The following CLSTN2 variants were observed in gnomAD, a reference collection of about 807,000 sequenced individuals.
CLSTN2 encodes the protein calsyntenin 2, also known as calsyntenin-2.
In CLSTN2, 48 loss-of-function variants were observed where a neutral mutation model predicts 101.2. That is an observed-to-expected ratio of 0.47 (90% CI 0.38 to 0.60). CLSTN2 has a LOEUF of 0.60. Among genes scored for constraint, CLSTN2 ranks in the 20% least tolerant of loss-of-function variants. The pLI, the probability that CLSTN2 is intolerant of heterozygous loss-of-function variation, is 0.00. For missense variants in CLSTN2, 1,160 were observed against 1,238.2 expected (o/e 0.94, Z 0.95); for synonymous variants, 481 against 463.6 (o/e 1.04, Z -0.48).
rs1402235729 is a variant in CLSTN2, at chr3:140,241,874, T to TACACACAC, written c.232+65802_232+65803insCACACACA. On this transcript the variant is annotated intron_variant, in intron 2 of 16. Transcript: ENST00000458420. ...ATATATACACATATATATACACATA[T>TACACACAC]ATATATACACACACACACACACACA... 6.2e-3 allele frequency among the ~76,000 whole-genome samples: 374 copies of TACACACAC among 59,998 alleles called. 2 individuals carry two copies. Among genetic ancestry groups the TACACACAC allele is most frequent in the African/African-American group, 0.018 (346 of 19,064 alleles). 39.4% of individuals were successfully genotyped at this position (59,998 alleles called of 152,430 possible). A position where few individuals can be genotyped will look rare whatever the true frequency, so the allele number is the denominator to read the frequency against.
At chr3:140,464,586 T>G (rs186051960) in intron 7 of CLSTN2, among the ~76,000 whole-genome samples, 1 of 152,320 alleles carries the variant, frequency 6.6e-6, no homozygotes, top group Admixed American at 6.5e-5. Flanking sequence ...AGGAAGAAAC[T>G]TCCCAGGCTA....
intron 1 of CLSTN2, among the ~76,000 whole-genome samples, chr3:139,945,805 T>G (rs1935205365): frequency 6.6e-6 from 1 of 152,262 alleles, no homozygotes; most frequent in Admixed American, 6.5e-5. Flanking sequence ...TTTGATTTAT[T>G]ATTTTAATAT....
chr3:140,478,523 T>C (rs1375739070), intron 8 of CLSTN2, among the ~76,000 whole-genome samples: 1 of 152,178 alleles, frequency 6.6e-6, no homozygotes, highest in East Asian at 1.9e-4. Context: ...ACATTAAATT[T>C]CCATAAAAGG....
intron 2 of CLSTN2, among the ~76,000 whole-genome samples, chr3:140,311,894 G>T (rs1270265686): frequency 6.6e-6 from 1 of 152,148 alleles, no homozygotes; most frequent in African/African-American, 2.4e-5. Context: ...GGAATGAGAA[G>T]GCTTATCTTG....
intron 2 of CLSTN2, among the ~76,000 whole-genome samples, chr3:140,391,891 A>G (rs1458046570): frequency 6.6e-6 from 1 of 152,110 alleles, no homozygotes; most frequent in Admixed American, 6.5e-5. Context: ...AGCAATTATT[A>G]AGAGGCGATG....
intron 2 of CLSTN2, among the ~76,000 whole-genome samples, chr3:140,294,360 C>G (rs2086982923): frequency 6.6e-6 from 1 of 152,156 alleles, no homozygotes; most frequent in Admixed American, 6.5e-5. Context: ...AGGTTTATTT[C>G]TTACTCATGC....
chr3:140,427,209 ATATATATATATATATGTGTG>A lies in CLSTN2; in HGVS notation c.787+5951_787+5970del, dbSNP rs1559866729. 8.7e-5 allele frequency among the ~76,000 whole-genome samples: 8 copies of A among 92,330 alleles called. 1 individual carries two copies. Among genetic ancestry groups the A allele is most frequent in the African/African-American group, 5.4e-4 (8 of 14,896 alleles). 60.6% of individuals were successfully genotyped at this position (92,330 alleles called of 152,430 possible). A position where few individuals can be genotyped will look rare whatever the true frequency, so the allele number is the denominator to read the frequency against. On this transcript the variant is annotated intron_variant, in intron 5 of 16. Transcript: ENST00000458420. ...AATATATATATATATATATATGTGT[ATATATATATATATATGTGTG>A]TATATATATATATATACATATATAT...
At chr3:140,392,477 C>T (rs978913231) in intron 2 of CLSTN2, among the ~76,000 whole-genome samples, 5 of 152,044 alleles carry the variant, frequency 3.3e-5, no homozygotes, top group African/African-American at 1.2e-4. Flanking sequence ...AATTGATTCA[C>T]ATAACCAAAC....
In CLSTN2 at chr3:140,517,367, G is replaced by C. The variant is rs917700338; in HGVS notation, c.1345-14957G>C. On this transcript the variant is annotated intron_variant, in intron 8 of 16. Transcript: ENST00000458420. ...GGGTCCATTGGTGGTGAGCTGGTGT[G>C]ATACTTTGGGGGTGTTAAAGAACCT... 2.0e-5 allele frequency among the ~76,000 whole-genome samples: 3 copies of C among 152,102 alleles called. No individual in the cohort carries two copies. In the South Asian group the frequency reaches 6.2e-4, roughly 32 times the overall value.
chr3:139,984,082 G>A (rs1935982615), intron 1 of CLSTN2, among the ~76,000 whole-genome samples: 1 of 152,126 alleles, frequency 6.6e-6, no homozygotes, highest in African/African-American at 2.4e-5. Flanking sequence ...CTAAGCAATG[G>A]GTTATTTGCA....
chr3:140,071,282 A>G (rs2008387678), intron 1 of CLSTN2, among the ~76,000 whole-genome samples: 3 of 152,196 alleles, frequency 2.0e-5, no homozygotes, highest in Non-Finnish European at 4.4e-5. Context: ...GAAATTCTAG[A>G]TGGGTACAAT....
chr3:139,943,364 C>G (rs948483663), intron 1 of CLSTN2, among the ~76,000 whole-genome samples: 1 of 152,170 alleles, frequency 6.6e-6, no homozygotes, highest in East Asian at 1.9e-4. Flanking sequence ...TCCCATTATG[C>G]TGCTGTCAAG....
intron 1 of CLSTN2, among the ~76,000 whole-genome samples, chr3:140,116,867 C>T (rs984698783): frequency 1.3e-5 from 2 of 152,162 alleles, no homozygotes; most frequent in South Asian, 2.1e-4. Context: ...AGTTAATTAT[C>T]CCACTAGCAA....
At chr3:140,256,732 T>C (rs2086607280) in intron 2 of CLSTN2, among the ~76,000 whole-genome samples, 1 of 152,252 alleles carries the variant, frequency 6.6e-6, no homozygotes, top group African/African-American at 2.4e-5. Flanking sequence ...AATTTCTGAT[T>C]GAGACTTCTA....
At chr3:140,052,235 T>G (rs919618471) in intron 1 of CLSTN2, among the ~76,000 whole-genome samples, 1 of 152,184 alleles carries the variant, frequency 6.6e-6, no homozygotes, top group African/African-American at 2.4e-5. Context: ...CTCAGCTCAC[T>G]GCAACCTCCA....
At chr3:140,196,364 A>C (rs2010643453) in intron 2 of CLSTN2, among the ~76,000 whole-genome samples, 3 of 152,336 alleles carry the variant, frequency 2.0e-5, no homozygotes, top group African/African-American at 7.2e-5. Context: ...GGATTTGTTC[A>C]TGAGTTATCA....
intron 1 of CLSTN2, among the ~76,000 whole-genome samples, chr3:139,938,212 T>C (rs1935064102): frequency 6.6e-6 from 1 of 151,176 alleles, no homozygotes; most frequent in Admixed American, 6.6e-5. Context: ...TTTCGTACAA[T>C]TCTGTATTCA....
chr3:140,351,628 C>G (rs1338240494), intron 2 of CLSTN2, among the ~76,000 whole-genome samples: 1 of 152,164 alleles, frequency 6.6e-6, no homozygotes, highest in Admixed American at 6.5e-5. Context: ...CATTGTAGCA[C>G]AAAGCAGCAT....
At chr3:140,251,350 T>A (rs756033213) in intron 2 of CLSTN2, among the ~76,000 whole-genome samples, 5 of 152,232 alleles carry the variant, frequency 3.3e-5, no homozygotes, top group Non-Finnish European at 7.3e-5. Context: ...CTATGGGCTG[T>A]ATGATTTATT....
Sources: allele counts gnomAD v4.1 joint callset (sites outside exome capture counted in the v4.1 genomes callset), GRCh38; gene constraint gnomAD v4.1.1; transcripts MANE v1.5; gene names NCBI Gene and HGNC (gene_info 2026-07-23, HGNC 2026-07-21).